Variants in OXR1 observed in about 807,000 individuals in gnomAD.
OXR1 encodes the protein oxidation resistance 1, also known as oxidation resistance protein 1.
Under a neutral mutation model 104.6 loss-of-function variants are expected in OXR1, and 41 were observed. The observed-to-expected ratio is 0.39, with a 90% CI of 0.31 to 0.51. The LOEUF (loss-of-function observed/expected upper bound fraction) is 0.51. Ranked by LOEUF, OXR1 falls within the 20% of genes least tolerant of loss-of-function variation. The probability of loss-of-function intolerance (pLI) is 0.77; values close to 1 mark genes in which losing one functional copy is unlikely to be tolerated. For synonymous variants in OXR1, 348 were observed against 348.4 expected, an observed-to-expected ratio of 1.00 and a Z score of 0.01; for missense variants, 955 against 1,031.9, an observed-to-expected ratio of 0.93 and a Z score of 1.02.
At chr8:106,328,536 G>A (rs1814575060) in intron 1 of OXR1, among the ~76,000 whole-genome samples, 1 of 152,216 alleles carries the variant, frequency 6.6e-6, no homozygotes, top group African/African-American at 2.4e-5. Context: ...AGGCGGTCCT[G>A]CTGTATTCTG....
At chr8:106,278,277 T>C (rs1055336265) in intron 1 of OXR1, among the ~76,000 whole-genome samples, 26 of 152,210 alleles carry the variant, frequency 1.7e-4, no homozygotes, top group Middle Eastern at 3.2e-3. Flanking sequence ...CATTAGATAC[T>C]AGGTAGTAGA....
At chr8:106,400,929 A>G (rs934673050) in intron 2 of OXR1, among the ~76,000 whole-genome samples, 1 of 152,240 alleles carries the variant, frequency 6.6e-6, no homozygotes, top group Non-Finnish European at 1.5e-5. Flanking sequence ...CTGCTACTCA[A>G]AAATTTCAGT....
chr8:106,629,782 C>T (rs887467257), intron 3 of OXR1, among the ~76,000 whole-genome samples: 6 of 152,146 alleles, frequency 3.9e-5, no homozygotes, highest in African/African-American at 9.6e-5. Context: ...TAAGGAAGAG[C>T]GCAAACATTA....
At chr8:106,721,568 T>C (rs1009054249) in intron 11 of OXR1, among the ~76,000 whole-genome samples, 1 of 152,166 alleles carries the variant, frequency 6.6e-6, no homozygotes, top group Non-Finnish European at 1.5e-5. Flanking sequence ...TAAAAAGACA[T>C]TCTGTACAGT....
At chr8:106,683,970 T>C (rs928104655) in intron 5 of OXR1, among the ~76,000 whole-genome samples, 3 of 152,180 alleles carry the variant, frequency 2.0e-5, no homozygotes, top group Non-Finnish European at 4.4e-5. Flanking sequence ...CACTTTAAAT[T>C]TTGCTAGCTA....
At chr8:106,546,317 T>G (rs1198368442) in intron 3 of OXR1, among the ~76,000 whole-genome samples, 1 of 152,206 alleles carries the variant, frequency 6.6e-6, no homozygotes, top group Non-Finnish European at 1.5e-5. Flanking sequence ...TGTGCTCACT[T>G]TGGGGAGACT....
chr8:106,559,999 C>G (rs1177915672), intron 3 of OXR1, among the ~76,000 whole-genome samples: 1 of 152,132 alleles, frequency 6.6e-6, no homozygotes, highest in Non-Finnish European at 1.5e-5. Context: ...GAGATTTGCA[C>G]AGACATGCAG....
At chr8:106,364,714 G>T (rs1816393937) in intron 2 of OXR1, among the ~76,000 whole-genome samples, 1 of 152,130 alleles carries the variant, frequency 6.6e-6, no homozygotes, top group Admixed American at 6.5e-5. Flanking sequence ...TAATATTTAT[G>T]TCTAACTTCT....
rs4634612 is a variant in OXR1 at position 106,386,916 on chromosome 8, T to C, written c.23+27280T>C. Among the ~76,000 whole-genome samples, 873 of 152,228 alleles carry C rather than the reference T, an allele frequency of 5.7e-3. 9 individuals are homozygous for C. The highest frequency in any genetic ancestry group is 0.019 in the African/African-American group (799 of 41,526). On this transcript the variant is annotated intron_variant, in intron 2 of 16. Transcript: ENST00000517566. The stretch of plus-strand genomic sequence containing the variant: ...TTTAAAAAAGGCTTTTTTAAGAAGA[T>C]TAATATGAAATCAGTAAGTTAGATG...
intron 11 of OXR1, among the ~76,000 whole-genome samples, chr8:106,714,335 A>G (rs982211302): frequency 1.3e-5 from 2 of 151,976 alleles, no homozygotes; most frequent in African/African-American, 4.8e-5. Flanking sequence ...TCGATTTCAC[A>G]TCTGATTTGT....
chr8:106,491,757 T>C (rs1209334693), intron 2 of OXR1, among the ~76,000 whole-genome samples: 3 of 152,168 alleles, frequency 2.0e-5, no homozygotes, highest in Non-Finnish European at 4.4e-5. Context: ...TGTGTCAACC[T>C]CATGTGCTTC....
At chr8:106,356,619 G>A (rs77452376) in intron 1 of OXR1, among the ~76,000 whole-genome samples, 11,191 of 151,838 alleles carry the variant, frequency 0.074, 429 homozygotes, top group African/African-American at 0.084. Flanking sequence ...ATTTCAAAAA[G>A]GACTTAGGGG....
At chr8:106,696,779 C>T (rs1830076876) in intron 7 of OXR1, among the ~76,000 whole-genome samples, 1 of 152,090 alleles carries the variant, frequency 6.6e-6, no homozygotes, top group Non-Finnish European at 1.5e-5. Context: ...AACTCATCTT[C>T]CTCAAGCCCC....
chr8:106,333,193 C>A (rs1280629013), intron 1 of OXR1, among the ~76,000 whole-genome samples: 1 of 152,036 alleles, frequency 6.6e-6, no homozygotes, highest in Non-Finnish European at 1.5e-5. Context: ...GATAACTCTA[C>A]CTTTGAGTTT....
chr8:106,278,522 TAAAAA>T (rs961304369), intron 1 of OXR1, among the ~76,000 whole-genome samples: 1 of 149,256 alleles, frequency 6.7e-6, no homozygotes, highest in Non-Finnish European at 1.5e-5. Flanking sequence ...AAATGTATAT[TAAAAA>T]AAAAAATTCT....
intron 1 of OXR1, among the ~76,000 whole-genome samples, chr8:106,292,291 T>A (rs1214811886): frequency 6.6e-6 from 1 of 152,196 alleles, no homozygotes; most frequent in Non-Finnish European, 1.5e-5. Flanking sequence ...AGGTGAAAGT[T>A]CTCAACTTAA....
chr8:106,641,962 G>T (rs1823684568), intron 3 of OXR1, among the ~76,000 whole-genome samples: 3 of 151,906 alleles, frequency 2.0e-5, no homozygotes, highest in African/African-American at 7.3e-5. Context: ...TTAAGAGATG[G>T]GGTCTTGCCA....
intron 11 of OXR1, among the ~76,000 whole-genome samples, chr8:106,736,822 A>G (rs781003887): frequency 2.0e-5 from 3 of 152,176 alleles, no homozygotes; most frequent in Non-Finnish European, 4.4e-5. Context: ...TAAATGATAC[A>G]GTAAAAACCA....
At chr8:106,524,248 C>G (rs1369431012) in intron 3 of OXR1, among the ~76,000 whole-genome samples, 1 of 152,156 alleles carries the variant, frequency 6.6e-6, no homozygotes, top group Non-Finnish European at 1.5e-5. Context: ...TTTCACTACC[C>G]TTCATTCAAA....
Sources: gnomAD v4.1 joint callset for allele counts (sites outside exome capture counted in the v4.1 genomes callset) on GRCh38, gnomAD v4.1.1 for gene constraint, MANE v1.5 for transcripts, NCBI Gene and HGNC (gene_info 2026-07-23, HGNC 2026-07-21) for gene names.